Variants in METTL22 observed in about 807,000 individuals in gnomAD.
METTL22 encodes the protein methyltransferase 22, Kin17 lysine, also known as methyltransferase-like protein 22.
In METTL22, 51 loss-of-function variants were observed where a neutral mutation model predicts 48.4. The observed-to-expected ratio is 1.05, with a 90% CI of 0.84 to 1.33. METTL22 has a LOEUF of 1.33. Among genes scored for constraint, METTL22 ranks in the 40% most tolerant of loss-of-function variants. The pLI is 0.00. For missense variants in METTL22, 678 were observed against 526.9 expected (o/e 1.29, Z -2.81); for synonymous variants, 255 against 214.1 (o/e 1.19, Z -1.67).
chr16:8,642,715 G>A (rs543364279), intron 9 of METTL22, 150 bp downstream of exon 9: 4 of 755,954 alleles, frequency 5.3e-6, no homozygotes, highest in South Asian at 3.0e-5. Flanking sequence ...CTCATCCTTT[G>A]TGTACGTTAC....
chr16:8,627,549 C>T (rs2141696500), intron 2 of METTL22, among the ~76,000 whole-genome samples: 1 of 152,238 alleles, frequency 6.6e-6, no homozygotes, highest in South Asian at 2.1e-4. Flanking sequence ...GACCTCCTGC[C>T]CTAATTTGGA....
At chr16:8,621,953 C>G (rs2055865179) in intron 1 of METTL22, among the ~76,000 whole-genome samples, 178 bp downstream of exon 1, 1 of 152,242 alleles carries the variant, frequency 6.6e-6, no homozygotes, top group Non-Finnish European at 1.5e-5. Context: ...AGTCCACGTC[C>G]TCACCTGGGT....
At chr16:8,641,051 C>A (rs988907643) in intron 6 of METTL22, 80 bp from the exon 7 acceptor site, 1 of 1,341,396 alleles carries the variant, frequency 7.5e-7, no homozygotes, top group Admixed American at 1.8e-5. Context: ...GATGGATCTT[C>A]ATATATAGTG....
downstream of METTL22, among the ~76,000 whole-genome samples, chr16:8,652,601 T>G (rs967911605): frequency 1.3e-5 from 2 of 151,750 alleles, no homozygotes; most frequent in Non-Finnish European, 2.9e-5. Context: ...GGAGGATCAC[T>G]TGAGCCAGGA....
intron 1 of METTL22, among the ~76,000 whole-genome samples, chr16:8,622,534 C>T (rs2055888477): frequency 6.6e-6 from 1 of 152,122 alleles, no homozygotes; most frequent in Non-Finnish European, 1.5e-5. Flanking sequence ...AGAGAGGAGC[C>T]CGAAGCCCAT....
chr16:8,639,072 T>C lies in METTL22; in HGVS notation c.701-19T>C. 1 of 1,614,014 alleles carries C rather than the reference T, an allele frequency of 6.2e-7. No individual in the cohort carries two copies. Among genetic ancestry groups the C allele is most frequent in the Non-Finnish European group, 8.5e-7 (1 of 1,179,968 alleles). ...GTCGTAGTGGCTGGCACTTTATGGC[T>C]TGCCCTCTGTCATTCCAGATGTCGG... On this transcript the variant is annotated intron_variant, in intron 5 of 10. Coordinates refer to ENST00000381920, the MANE Select transcript of METTL22 (RefSeq NM_024109.4).
In METTL22 at chr16:8,646,862, G is replaced by A. The variant is rs928769081; in HGVS notation, c.*719G>A. 13 of 364,758 alleles carry A rather than the reference G, an allele frequency of 3.6e-5. No individual in the cohort carries two copies. Among genetic ancestry groups the A allele is most frequent in the South Asian group, 8.3e-5 (4 of 48,394 alleles). The allele number at this position is 364,758 out of a possible 1,614,324, so 22.6% of individuals were successfully genotyped here. ...CCCCTTGGTCTCTCTGTCTTATCAC[G>A]TGTGTACATGTCTGTCTGTCTGGTT... On this transcript the variant is annotated 3_prime_UTR_variant, in exon 11 of 11. Transcript: ENST00000381920.
the METTL22 span, among the ~76,000 whole-genome samples, chr16:8,661,644 C>CAAAAAAA: frequency 9.0e-6 from 1 of 110,594 alleles, no homozygotes; most frequent in African/African-American, 3.7e-5. Context: ...GACTCCGTCT[C>CAAAAAAA]AAAAAAAAAA....
intron 1 of METTL22, chr16:8,623,468 C>G (rs945125992): frequency 6.6e-6 from 1 of 152,150 alleles, no homozygotes; most frequent in Admixed American, 6.5e-5. Context: ...TCTCTAAGTC[C>G]TGAGAGAGCT....
In METTL22 at chr16:8,635,217, A is replaced by C; in HGVS notation, c.605A>C (p.Asp202Ala). The change falls in exon 5 of 11, where the codon GAC becomes GCC. Residue 202 changes from aspartate (D) to alanine (A), a missense_variant. Asp to Ala is a moderately radical substitution (Grantham distance 126, BLOSUM62 -2). Coordinates refer to ENST00000381920, the MANE Select transcript of METTL22 (RefSeq NM_024109.4). The part of the protein sequence containing the change: ...LLADYILFRQ[D>A]LFRGCTALEL... ...GCAGACTACATCCTGTTCCGACAGG[A>C]CCTCTTCCGAGGATGTACAGCGCTG... 1 of 1,610,606 alleles carries C rather than the reference A, an allele frequency of 6.2e-7. No individual in the cohort carries two copies. The highest frequency in any genetic ancestry group is 8.5e-7 in the Non-Finnish European group (1 of 1,178,244).
chr16:8,632,607 G>T (rs1218384833), intron 3 of METTL22, among the ~76,000 whole-genome samples: 1 of 152,200 alleles, frequency 6.6e-6, no homozygotes, highest in African/African-American at 2.4e-5. Context: ...CTGTGCAAGG[G>T]CTGGGGTCCT....
Position 8,640,945 on chromosome 16 carries a change from G to GCT in METTL22, c.773-186_773-185insCT, listed in dbSNP as rs771572473. 5.2e-5 allele frequency among the ~76,000 whole-genome samples: 4 copies of GCT among 76,462 alleles called. 1 individual carries two copies. Among genetic ancestry groups the GCT allele is most frequent in the Non-Finnish European group, 5.6e-5 (2 of 35,700 alleles). The allele number at this position is 76,462 out of a possible 152,430, so 50.2% of individuals were successfully genotyped here. A position where few individuals can be genotyped will look rare whatever the true frequency, so the allele number is the denominator to read the frequency against. On this transcript the variant is annotated intron_variant, in intron 6 of 10. Coordinates refer to ENST00000381920, the MANE Select transcript of METTL22 (RefSeq NM_024109.4). ...GGATGGATGGATGGATGGATGGATGGGTGGGTGGATGGCTGGCTGGCTGGC... is the reference window on the plus strand; with the variant it reads ...GGATGGATGGATGGATGGATGGATGGCTGTGGGTGGATGGCTGGCTGGCTGGC...
intron 9 of METTL22, 171 bp downstream of exon 9, chr16:8,642,736 C>G (rs1024848026): frequency 4.1e-5 from 28 of 677,934 alleles, no homozygotes; most frequent in Middle Eastern, 3.9e-4. Flanking sequence ...TGCACTGAAT[C>G]TGCATCCTAG....
rs201073068 is a variant in METTL22, at chr16:8,628,976, G to C, written c.380G>C (p.Arg127Thr). The C allele has an allele frequency of 1.4e-4, 227 of 1,614,072 alleles. 2 individuals carry two copies. In the Admixed American group the frequency reaches 1.4e-3, roughly 10 times the overall value. ...GATGGGGATTTGGACGTGGTGAGAA[G>C]ACCACGAGCCGCCTCTGATTCCAAC... ...DEDGDLDVVRRPRAASDSNPA... is the reference protein window; with the variant it reads ...DEDGDLDVVRTPRAASDSNPA... Residue 127 changes from arginine to threonine, a missense_variant, in exon 3 of 11, where the codon AGA becomes ACA. Physicochemically the swap from Arg to Thr is moderately conservative, Grantham distance 71. Transcript: ENST00000381920.
intron 5 of METTL22, among the ~76,000 whole-genome samples, chr16:8,637,853 C>A (rs1275115388): frequency 6.6e-6 from 1 of 152,028 alleles, no homozygotes; most frequent in Non-Finnish European, 1.5e-5. Context: ...AACTGCTGAC[C>A]CTGGCCAGGC....
downstream of METTL22, among the ~76,000 whole-genome samples, chr16:8,653,397 C>T (rs963982251): frequency 2.6e-5 from 4 of 152,048 alleles, no homozygotes; most frequent in African/African-American, 7.2e-5. Flanking sequence ...GGGACAGCAC[C>T]GATCTCTGTC....
intron 10 of METTL22, 176 bp downstream of exon 10, chr16:8,644,901 C>A: frequency 1.7e-6 from 1 of 604,198 alleles, no homozygotes; most frequent in Non-Finnish European, 2.6e-6. Flanking sequence ...GAGCTACATC[C>A]TGTTCTTAGC....
intron 2 of METTL22, among the ~76,000 whole-genome samples, chr16:8,626,152 AC>A (rs1298786682): frequency 6.6e-6 from 1 of 152,016 alleles, no homozygotes; most frequent in East Asian, 1.9e-4. Context: ...TCACATCACC[AC>A]ACCTGGCTGG....
chr16:8,629,059 G>C lies in METTL22; in HGVS notation c.463G>C (p.Asp155His), dbSNP rs778530539. Residue 155 changes from aspartate to histidine, a missense_variant, in exon 3 of 11, where the codon GAC (aspartate) becomes CAC (histidine). Coordinates refer to ENST00000381920, the MANE Select transcript of METTL22 (RefSeq NM_024109.4). ...CATGATTCTAGCACAGGAAGAAGACGACGTCCTGGGAGAGGAAGCACAAGG... is the reference window on the plus strand; with the variant it reads ...CATGATTCTAGCACAGGAAGAAGACCACGTCCTGGGAGAGGAAGCACAAGG... ...HPMILAQEED[D>H]VLGEEAQGSP... The C allele has an allele frequency of 1.9e-6, 3 of 1,613,766 alleles. No individual in the cohort carries two copies. The highest frequency in any genetic ancestry group is 8.5e-7 in the Non-Finnish European group (1 of 1,180,034).
Sources: allele counts gnomAD v4.1 joint callset (sites outside exome capture counted in the v4.1 genomes callset), GRCh38; gene constraint gnomAD v4.1.1; transcripts MANE v1.5; gene names NCBI Gene and HGNC (gene_info 2026-07-23, HGNC 2026-07-21).